The following STAB2 variants were observed in gnomAD, a reference collection of about 807,000 sequenced individuals.
The protein encoded by STAB2 is stabilin-2.
In STAB2, 288 loss-of-function variants were observed where a neutral mutation model predicts 338.1. The ratio of observed to expected loss-of-function variants is 0.85; its 90% CI spans 0.77 to 0.94. The LOEUF (loss-of-function observed/expected upper bound fraction) is 0.94, where lower values mean the gene tolerates loss of function less well. Among genes scored for constraint, STAB2 ranks in the 40% least tolerant of loss-of-function variants. The pLI is 0.00. For missense variants in STAB2, 3,141 were observed against 3,210.1 expected (o/e 0.98, Z 0.52); for synonymous variants, 1,202 against 1,193.3 (o/e 1.01, Z -0.15).
chr12:103,663,112 T>C (rs1324213144), intron 18 of STAB2, 114 bp downstream of exon 18: 2 of 1,371,874 alleles, frequency 1.5e-6, no homozygotes, highest in African/African-American at 1.5e-5. Context: ...TCCAGAACCT[T>C]GTCCCCAAAG....
chr12:103,647,874 T>A (rs137951829), intron 9 of STAB2, among the ~76,000 whole-genome samples: 1 of 152,244 alleles, frequency 6.6e-6, no homozygotes, highest in Non-Finnish European at 1.5e-5. Context: ...TATTTCATAG[T>A]TTGTATATTT....
chr12:103,766,520 T>A lies in STAB2; in HGVS notation c.*184T>A. The A allele has an allele frequency of 1.6e-6, 1 of 629,100 alleles. No individual in the cohort carries two copies. Among genetic ancestry groups the A allele is most frequent in the Non-Finnish European group, 2.7e-6 (1 of 368,296 alleles). 39.0% of individuals were successfully genotyped at this position (629,100 alleles called of 1,614,324 possible). On this transcript the variant is annotated 3_prime_UTR_variant, in exon 69 of 69. Coordinates refer to ENST00000388887, the MANE Select transcript of STAB2 (RefSeq NM_017564.10). ...GAGATGTGTTGCTGTGCCCACCCAGTACAGCTTCCTCCTCTGACCCTTTGG... is the reference window on the plus strand; with the variant it reads ...GAGATGTGTTGCTGTGCCCACCCAGAACAGCTTCCTCCTCTGACCCTTTGG...
At chr12:103,612,790 C>T (rs553587457) in intron 3 of STAB2, among the ~76,000 whole-genome samples, 3 of 152,096 alleles carry the variant, frequency 2.0e-5, no homozygotes, top group Non-Finnish European at 2.9e-5. Context: ...AGTTTTTCTG[C>T]TCTGTTTTTT....
rs1388885909 is a variant in STAB2, at chr12:103,749,055, G to A, written c.6337G>A (p.Gly2113Arg). ...GAAGGTCTCCTGCAGCTGCCAGAAG[G>A]GATACAAAGGGGACGGGCACAGCTG... ...GTKVSCSCQK[G>R]YKGDGHSCTE... The change falls in exon 59 of 69, where the codon GGA becomes AGA. Residue 2113 changes from glycine to arginine, a missense_variant. Physicochemically the swap from Gly to Arg is moderately radical, Grantham distance 125 (BLOSUM62 -2). Coordinates refer to ENST00000388887, the MANE Select transcript of STAB2 (RefSeq NM_017564.10). 3.1e-6 allele frequency: 5 copies of A among 1,613,996 alleles called. No homozygotes were observed. The highest frequency in any genetic ancestry group is 4.2e-6 in the Non-Finnish European group (5 of 1,180,026).
chr12:103,753,455 AG>A, intron 61 of STAB2, 102 bp downstream of exon 61: 1 of 1,501,426 alleles, frequency 6.7e-7, no homozygotes, highest in Non-Finnish European at 9.1e-7. Context: ...CCTTCAAGCA[AG>A]GGAGTGCAGG....
chr12:103,733,291 T>A (rs1291661491), intron 51 of STAB2, 109 bp downstream of exon 51: 3 of 1,316,968 alleles, frequency 2.3e-6, no homozygotes, highest in Non-Finnish European at 3.2e-6. Context: ...CTGTCACCAC[T>A]GTATGCAGGA....
chr12:103,626,605 A>G (rs895860966), intron 5 of STAB2, among the ~76,000 whole-genome samples: 2 of 152,272 alleles, frequency 1.3e-5, no homozygotes, highest in Middle Eastern at 3.2e-3. Context: ...TGAATGGATG[A>G]ATGAATGACT....
intron 67 of STAB2, 164 bp from the exon 68 acceptor site, chr12:103,763,328 A>G (rs1884680755): frequency 4.7e-6 from 3 of 644,532 alleles, no homozygotes; most frequent in Non-Finnish European, 8.3e-6. Context: ...AGCTGAATCT[A>G]AAGGTTGGTA....
chr12:103,713,803 T>C (rs1880078439), intron 42 of STAB2, 35 bp downstream of exon 42: 1 of 1,611,374 alleles, frequency 6.2e-7, no homozygotes. Flanking sequence ...GGCGAAATGG[T>C]ATAAGAGTCA....
At chr12:103,700,275 A>T (rs1478970155) in intron 34 of STAB2, among the ~76,000 whole-genome samples, 1 of 152,252 alleles carries the variant, frequency 6.6e-6, no homozygotes, top group Non-Finnish European at 1.5e-5. Context: ...AATTATCACA[A>T]GAAAAATTAA....
At chr12:103,631,811 T>G in intron 6 of STAB2, 118 bp downstream of exon 6, 1 of 871,760 alleles carries the variant, frequency 1.1e-6, no homozygotes, top group East Asian at 2.5e-5. Context: ...AAAAGTTTTC[T>G]GGAAAGAAAC....
intron 43 of STAB2, 92 bp downstream of exon 43, chr12:103,715,980 A>G: frequency 2.3e-6 from 3 of 1,310,944 alleles, no homozygotes; most frequent in Non-Finnish European, 3.2e-6. Flanking sequence ...CTGAGAACGG[A>G]CCTCTAAAGA....
chr12:103,690,484 C>T lies in STAB2; in HGVS notation c.3243C>T (p.Asp1081=). Residue 1081 remains aspartate, a synonymous_variant, in exon 30 of 69, where the codon GAC becomes GAT. Transcript: ENST00000388887. ...ATCTGCAGACCCTGTCTTCTTCTGA[C>T]ATGTTGGCAACATCTTTGCAGGGCA... is the stretch of plus-strand genomic sequence containing the variant. ...VADLQTLSSS[D]MLATSLQGNF... 6.2e-7 allele frequency: 1 copy of T among 1,614,170 alleles called. No individual in the cohort carries two copies. The highest frequency in any genetic ancestry group is 8.5e-7 in the Non-Finnish European group (1 of 1,179,976).
rs570148907 is a variant in STAB2, at chr12:103,734,240, A to T, written c.5460+1058A>T. Among the ~76,000 whole-genome samples, 11 of 147,056 alleles carry T rather than the reference A, an allele frequency of 7.5e-5. No homozygotes were observed. The South Asian group carries it at 1.5e-3, about 21-fold the overall frequency. ...CGATCACATAGGAGCAAACATCATA[A>T]AGGAGCAAGCATGATCACATAGGAG... On this transcript the variant is annotated intron_variant, in intron 51 of 68. Transcript: ENST00000388887.
chr12:103,643,261 T>C (rs539032016), intron 9 of STAB2, among the ~76,000 whole-genome samples: 1 of 152,226 alleles, frequency 6.6e-6, no homozygotes, highest in East Asian at 1.9e-4. Flanking sequence ...TTCCTAATAA[T>C]ACCATCACAC....
intron 3 of STAB2, among the ~76,000 whole-genome samples, chr12:103,607,547 C>G (rs1315763842): frequency 6.6e-6 from 1 of 151,940 alleles, no homozygotes; most frequent in Non-Finnish European, 1.5e-5. Context: ...TCCCCCCACC[C>G]CACAACAGGC....
At chr12:103,737,814 C>A in intron 53 of STAB2, 34 bp downstream of exon 53, 1 of 1,611,784 alleles carries the variant, frequency 6.2e-7, no homozygotes, top group East Asian at 2.2e-5. Flanking sequence ...AGTAAGAGAA[C>A]CTTAAGCCAA....
At chr12:103,727,432 A>C in intron 47 of STAB2, 82 bp downstream of exon 47, 1 of 1,481,210 alleles carries the variant, frequency 6.8e-7, no homozygotes, top group South Asian at 1.1e-5. Flanking sequence ...CCAAGACTGG[A>C]GATGTTTCTA....
intron 1 of STAB2, among the ~76,000 whole-genome samples, chr12:103,588,854 C>G (rs2138518598): frequency 6.6e-6 from 1 of 152,230 alleles, no homozygotes; most frequent in Non-Finnish European, 1.5e-5. Context: ...CTAAGTGTAG[C>G]TTTTGTTATT....
Sources: allele counts gnomAD v4.1 joint callset (sites outside exome capture counted in the v4.1 genomes callset), GRCh38; gene constraint gnomAD v4.1.1; transcripts MANE v1.5; gene names NCBI Gene and HGNC (gene_info 2026-07-23, HGNC 2026-07-21).